Variants in KCNQ3 observed in about 807,000 individuals in gnomAD.
KCNQ3 encodes the protein potassium voltage-gated channel subfamily KQT member 3.
KCNQ3 carries 30 observed loss-of-function variants against 92.5 expected under a neutral mutation model. The ratio of observed to expected loss-of-function variants is 0.32; its 90% CI spans 0.24 to 0.44. The LOEUF (loss-of-function observed/expected upper bound fraction) is 0.44, where lower values mean the gene tolerates loss of function less well. KCNQ3 is among the 20% of genes least tolerant of loss of function. The probability of loss-of-function intolerance (pLI) is 1.00; values close to 1 mark genes in which losing one functional copy is unlikely to be tolerated. For synonymous variants in KCNQ3, 450 were observed against 468.8 expected, an observed-to-expected ratio of 0.96 and a Z score of 0.52; for missense variants, 913 against 1,140.3, an observed-to-expected ratio of 0.80 and a Z score of 2.87.
chr8:132,231,875 T>C (rs891152478), intron 1 of KCNQ3, among the ~76,000 whole-genome samples: 2 of 152,202 alleles, frequency 1.3e-5, no homozygotes, highest in African/African-American at 2.4e-5. Flanking sequence ...CTAATAGTTG[T>C]ACGACAGTTC....
intron 1 of KCNQ3, among the ~76,000 whole-genome samples, chr8:132,220,977 C>T (rs962769501): frequency 6.6e-6 from 1 of 152,068 alleles, no homozygotes; most frequent in Non-Finnish European, 1.5e-5. Flanking sequence ...GCTCTCCACC[C>T]CATGACAGGC....
chr8:132,198,506 C>T (rs944442081), intron 1 of KCNQ3, among the ~76,000 whole-genome samples: 2 of 152,166 alleles, frequency 1.3e-5, no homozygotes. Context: ...GTTCAATTTC[C>T]TATCTATAAA....
chr8:132,154,264 G>T (rs1403713088), intron 9 of KCNQ3, among the ~76,000 whole-genome samples: 1 of 131,514 alleles, frequency 7.6e-6, no homozygotes, highest in Non-Finnish European at 1.6e-5. Context: ...CATACAAACT[G>T]GTAAAAGCCC....
chr8:132,323,834 TA>T (rs1015187225), intron 1 of KCNQ3, among the ~76,000 whole-genome samples: 3 of 151,944 alleles, frequency 2.0e-5, no homozygotes, highest in Admixed American at 6.6e-5. Flanking sequence ...GAAGTAGTCT[TA>T]AAAAAAACAT....
intron 1 of KCNQ3, among the ~76,000 whole-genome samples, chr8:132,339,193 C>A (rs750405142): frequency 3.9e-5 from 6 of 152,272 alleles, no homozygotes; most frequent in African/African-American, 1.4e-4. Flanking sequence ...AAAGTGGGGG[C>A]TGGAACAGAG....
chr8:132,370,772 T>C (rs71526252), intron 1 of KCNQ3, among the ~76,000 whole-genome samples: 4,455 of 152,284 alleles, frequency 0.029, 100 homozygotes, highest in South Asian at 0.059. Context: ...TAACAATAAT[T>C]GGTTAATAAC....
intron 1 of KCNQ3, among the ~76,000 whole-genome samples, chr8:132,190,355 T>C (rs1284086627): frequency 1.3e-5 from 2 of 152,244 alleles, no homozygotes; most frequent in African/African-American, 2.4e-5. Context: ...GTCACTACTC[T>C]GTGTATTTTT....
At chr8:132,130,058 G>A in intron 14 of KCNQ3, 62 bp from the exon 15 acceptor site, 1 of 1,506,622 alleles carries the variant, frequency 6.6e-7, no homozygotes, top group Non-Finnish European at 9.1e-7. Flanking sequence ...GTTGCTATTG[G>A]TTGGGAGGAA....
chr8:132,426,445 A>T (rs898021782), intron 1 of KCNQ3, among the ~76,000 whole-genome samples: 1 of 152,194 alleles, frequency 6.6e-6, no homozygotes, highest in Admixed American at 6.5e-5. Context: ...CCTGCCTCTC[A>T]CAGCCTGGTT....
intron 12 of KCNQ3, 123 bp from the exon 13 acceptor site, chr8:132,134,511 A>T: frequency 1.4e-6 from 1 of 706,982 alleles, no homozygotes; most frequent in Non-Finnish European, 2.5e-6. Flanking sequence ...AGAGGAGAGG[A>T]GAGGAGAAGT....
chr8:132,429,373 AAGAC>A (rs1167939432), intron 1 of KCNQ3, among the ~76,000 whole-genome samples: 1 of 152,206 alleles, frequency 6.6e-6, no homozygotes, highest in Admixed American at 6.5e-5. Context: ...TGATAAAACT[AAGAC>A]AGAAAAGATA....
chr8:132,391,849 C>T (rs1012473169), intron 1 of KCNQ3, among the ~76,000 whole-genome samples: 1 of 152,144 alleles, frequency 6.6e-6, no homozygotes, highest in Non-Finnish European at 1.5e-5. Context: ...CCTGGGCAGC[C>T]GCTGTCTTGG....
intron 1 of KCNQ3, among the ~76,000 whole-genome samples, chr8:132,418,464 G>A (rs151056554): frequency 2.6e-5 from 4 of 152,266 alleles, no homozygotes; most frequent in East Asian, 3.9e-4. Flanking sequence ...TTCCCCACTC[G>A]GGTTTCACCC....
At chr8:132,243,461 G>A (rs540691419) in intron 1 of KCNQ3, among the ~76,000 whole-genome samples, 1 of 152,318 alleles carries the variant, frequency 6.6e-6, no homozygotes, top group East Asian at 1.9e-4. Flanking sequence ...CAAGGTTTGT[G>A]GTCAAAAAAG....
chr8:132,202,155 C>A (rs531337579), intron 1 of KCNQ3, among the ~76,000 whole-genome samples: 1 of 152,148 alleles, frequency 6.6e-6, no homozygotes, highest in South Asian at 2.1e-4. Context: ...AGACCTAAGG[C>A]AGGGAATAGC....
At chr8:132,270,874 G>A (rs1816126695) in intron 1 of KCNQ3, among the ~76,000 whole-genome samples, 1 of 152,174 alleles carries the variant, frequency 6.6e-6, no homozygotes, top group Non-Finnish European at 1.5e-5. Flanking sequence ...TATTTGGGAT[G>A]GGGCCCAGGG....
intron 1 of KCNQ3, among the ~76,000 whole-genome samples, chr8:132,231,079 T>G (rs1196947275): frequency 1.3e-5 from 2 of 152,094 alleles, no homozygotes; most frequent in Non-Finnish European, 2.9e-5. Flanking sequence ...AAGATGGCCA[T>G]GCGACCAGAA....
chr8:132,238,932 T>C (rs931754661), intron 1 of KCNQ3, among the ~76,000 whole-genome samples: 1 of 152,150 alleles, frequency 6.6e-6, no homozygotes, highest in African/African-American at 2.4e-5. Flanking sequence ...ACCCTGTAAG[T>C]GTAAACAACC....
At chr8:132,168,197 G>A (rs781704017) in intron 8 of KCNQ3, among the ~76,000 whole-genome samples, 12 of 152,086 alleles carry the variant, frequency 7.9e-5, no homozygotes, top group Admixed American at 2.0e-4. Flanking sequence ...CCTTGGTCTA[G>A]GCCCTCATTT....
Sources: gnomAD v4.1 joint callset for allele counts (sites outside exome capture counted in the v4.1 genomes callset) on GRCh38, gnomAD v4.1.1 for gene constraint, MANE v1.5 for transcripts, NCBI Gene and HGNC (gene_info 2026-07-23, HGNC 2026-07-21) for gene names.